Variants in TMEM81 observed in about 807,000 individuals in gnomAD.
TMEM81 encodes the protein transmembrane protein 81.
For missense variants in TMEM81, 294 were observed against 300.5 expected, an observed-to-expected ratio of 0.98 and a Z score of 0.16; for synonymous variants, 132 against 119.1, an observed-to-expected ratio of 1.11 and a Z score of -0.71.
Position 205,084,321 on chromosome 1 carries a change from G to T in TMEM81, c.-1C>A, listed in dbSNP as rs1015678746. The T allele has an allele frequency of 6.2e-7, 1 of 1,610,302 alleles. No individual in the cohort carries two copies. ...CAAAACTAGTGGCTAAAACCTTCAT[G>T]TCTCGGTAGGCGTTTTGCCACCCTC... On this transcript the variant is annotated 5_prime_UTR_variant, in exon 1 of 1. Transcript: ENST00000367167.
chr1:205,083,373 T>C lies in TMEM81; in HGVS notation c.*180A>G. The C allele has an allele frequency of 1.5e-6, 1 of 649,976 alleles. No individual in the cohort carries two copies. Among genetic ancestry groups the C allele is most frequent in the Non-Finnish European group, 2.5e-6 (1 of 399,084 alleles). The allele number at this position is 649,976 out of a possible 1,614,324, so 40.3% of individuals were successfully genotyped here. ...ATCCATGGGACATAAGGAAGTTAGG[T>C]TACTGCGCATAGCTCCCAGGAGATT... On this transcript the variant is annotated 3_prime_UTR_variant, in exon 1 of 1. Transcript: ENST00000367167.
rs539551661 is a variant in TMEM81, at chr1:205,083,383, T to G, written c.*170A>C. On this transcript the variant is annotated 3_prime_UTR_variant, in exon 1 of 1. Transcript: ENST00000367167. ...CATAAGGAAGTTAGGTTACTGCGCATAGCTCCCAGGAGATTGTCCCCTCCA... is the reference window on the plus strand; with the variant it reads ...CATAAGGAAGTTAGGTTACTGCGCAGAGCTCCCAGGAGATTGTCCCCTCCA... The G allele has an allele frequency of 2.8e-6, 2 of 715,500 alleles. No homozygotes were observed. Among genetic ancestry groups the G allele is most frequent in the Non-Finnish European group, 4.4e-6 (2 of 451,258 alleles). The allele number at this position is 715,500 out of a possible 1,614,324, so 44.3% of individuals were successfully genotyped here.
Position 205,083,898 on chromosome 1 carries a change from G to T in TMEM81, c.423C>A (p.Asn141Lys), listed in dbSNP as rs756275296. Residue 141 changes from asparagine to lysine, a missense_variant, in exon 1 of 1, where the codon AAC becomes AAA. Asn to Lys is a moderately conservative substitution (Grantham distance 94). Coordinates refer to ENST00000367167, the MANE Select transcript of TMEM81 (RefSeq NM_203376.2). Reference sequence around the variant, plus strand: ...CATATTTAAACTTCACAAAGTGGGAGTTGGCTTGAAAGGGTTTGAAGACCT... The same window carrying T: ...CATATTTAAACTTCACAAAGTGGGATTTGGCTTGAAAGGGTTTGAAGACCT... ...DDEVFKPFQA[N>K]SHFVKFKYAQ... The T allele has an allele frequency of 2.5e-6, 4 of 1,614,210 alleles. No homozygotes were observed. The highest frequency in any genetic ancestry group is 3.4e-6 in the Non-Finnish European group (4 of 1,180,048).
At position 205,084,273 on chromosome 1, in the gene TMEM81, G is replaced by A. The variant is rs756718458; in HGVS notation, c.48C>T (p.Ala16=). The A allele has an allele frequency of 4.3e-6, 7 of 1,613,966 alleles. No homozygotes were observed. In the East Asian group the frequency reaches 1.6e-4, roughly 36 times the overall value. The change falls in exon 1 of 1, where the codon GCC becomes GCT. Residue 16 remains alanine (A), a synonymous_variant. Coordinates refer to ENST00000367167, the MANE Select transcript of TMEM81 (RefSeq NM_203376.2). ...TSFVLGSLGL[A]FYLPLVVTTP... ...TAGTCACCACCAAAGGCAGGTAGAA[G>A]GCCAACCCCAGGCTCCCAAGGACAA...
rs752958744 is a variant in TMEM81 at position 205,084,109 on chromosome 1, C to T, written c.212G>A (p.Arg71Lys). 4.3e-6 allele frequency: 7 copies of T among 1,614,112 alleles called. No individual in the cohort carries two copies. The African/African-American group carries it at 5.3e-5, about 12-fold the overall frequency. ...TAAGCGCCGAGTCTGACATTTCCTTCTCACTCCATCAGGGCCCACCTCACA... is the reference window on the plus strand; with the variant it reads ...TAAGCGCCGAGTCTGACATTTCCTTTTCACTCCATCAGGGCCCACCTCACA... The part of the protein sequence containing the change: ...TVCEVGPDGV[R>K]RKCQTRRLEC... Residue 71 changes from arginine to lysine, a missense_variant, in exon 1 of 1, where the codon AGA (arginine) becomes AAA (lysine). Arg to Lys is a conservative substitution (Grantham distance 26). Transcript: ENST00000367167.
In TMEM81 at chr1:205,083,672, G is replaced by A. The variant is rs770078742; in HGVS notation, c.649C>T (p.His217Tyr). Residue 217 changes from histidine (H) to tyrosine (Y), a missense_variant, in exon 1 of 1, where the codon CAC becomes TAC. Coordinates refer to ENST00000367167, the MANE Select transcript of TMEM81 (RefSeq NM_203376.2). Reference protein sequence around the residue: ...VNLDSYSKPHHPKWKKKVASA... With the variant: ...VNLDSYSKPHYPKWKKKVASA... ...GCCACCTTCTTTTTCCACTTTGGGTGGTGAGGCTTGGAGTAGCTGTCCAGA... is the reference window on the plus strand; with the variant it reads ...GCCACCTTCTTTTTCCACTTTGGGTAGTGAGGCTTGGAGTAGCTGTCCAGA... The A allele has an allele frequency of 6.2e-7, 1 of 1,614,220 alleles. No individual in the cohort carries two copies. The highest frequency in any genetic ancestry group is 1.1e-5 in the South Asian group (1 of 91,086).
chr1:205,083,776 G>T lies in TMEM81; in HGVS notation c.545C>A (p.Pro182His), dbSNP rs528890008. Residue 182 changes from proline to histidine, a missense_variant, in exon 1 of 1, where the codon CCT (proline) becomes CAT (histidine). Pro to His is a moderately conservative substitution (Grantham distance 77). Transcript: ENST00000367167. ...KRLYFGLRVL[P>H]PNLVNLNFHQ... Reference sequence around the variant, plus strand: ...GAAATTCAGATTCACCAAGTTAGGAGGAAGGACCCTCAACCCAAAATAGAG... The same window carrying T: ...GAAATTCAGATTCACCAAGTTAGGATGAAGGACCCTCAACCCAAAATAGAG... 2 of 1,614,204 alleles carry T rather than the reference G, an allele frequency of 1.2e-6. No individual in the cohort carries two copies. The highest frequency in any genetic ancestry group is 2.7e-5 in the African/African-American group (2 of 75,052).
Position 205,083,514 on chromosome 1 carries a change from C to A in TMEM81, c.*39G>T. On this transcript the variant is annotated 3_prime_UTR_variant, in exon 1 of 1. Coordinates refer to ENST00000367167, the MANE Select transcript of TMEM81 (RefSeq NM_203376.2). ...AAGCTAGCTTGGCTTCCTGGGCAGCCAGTTCTTCAGGAGCAAGGCTGTTAA... is the reference window on the plus strand; with the variant it reads ...AAGCTAGCTTGGCTTCCTGGGCAGCAAGTTCTTCAGGAGCAAGGCTGTTAA... The A allele has an allele frequency of 6.4e-7, 1 of 1,551,590 alleles. No individual in the cohort carries two copies. Among genetic ancestry groups the A allele is most frequent in the South Asian group, 1.2e-5 (1 of 80,164 alleles).
rs1655069282 is a variant in TMEM81, at chr1:205,083,956, C to A, written c.365G>T (p.Arg122Ile). The A allele has an allele frequency of 6.2e-7, 1 of 1,614,216 alleles. No individual in the cohort carries two copies. Among genetic ancestry groups the A allele is most frequent in the Non-Finnish European group, 8.5e-7 (1 of 1,180,052 alleles). The change falls in exon 1 of 1, where the codon AGA (arginine) becomes ATA (isoleucine). Residue 122 changes from arginine (R) to isoleucine (I), a missense_variant. Transcript: ENST00000367167. ...FGQEAFRFTWRLARGVISTDD... is the reference protein window; with the variant it reads ...FGQEAFRFTWILARGVISTDD... Reference sequence around the variant, plus strand: ...AGTGGAGATGACACCTCGAGCAAGTCTCCAGGTGAACCGGAAAGCTTCCTG... The same window carrying A: ...AGTGGAGATGACACCTCGAGCAAGTATCCAGGTGAACCGGAAAGCTTCCTG...
chr1:205,083,767 A>C lies in TMEM81; in HGVS notation c.554T>G (p.Leu185Trp). 1.2e-6 allele frequency: 2 copies of C among 1,614,152 alleles called. 1 individual carries two copies. Residue 185 changes from leucine to tryptophan, a missense_variant, in exon 1 of 1, where the codon TTG (leucine) becomes TGG (tryptophan). Transcript: ENST00000367167. ...YFGLRVLPPN[L>W]VNLNFHQSLT... ...TGACTGATGGAAATTCAGATTCACC[A>C]AGTTAGGAGGAAGGACCCTCAACCC...
At position 205,084,088 on chromosome 1, in the gene TMEM81, C is replaced by T. The variant is rs1415757266; in HGVS notation, c.233G>A (p.Arg78His). 12 of 1,614,198 alleles carry T rather than the reference C, an allele frequency of 7.4e-6. No homozygotes were observed. Among genetic ancestry groups the T allele is most frequent in the African/African-American group, 1.3e-5 (1 of 75,038 alleles). The part of the protein sequence containing the change: ...DGVRRKCQTR[R>H]LECLTNWICG... ...GATCCAGTTGGTCAGACATTCTAAG[C>T]GCCGAGTCTGACATTTCCTTCTCAC... Residue 78 changes from arginine to histidine, a missense_variant, in exon 1 of 1, where the codon CGC becomes CAC. Transcript: ENST00000367167.
chr1:205,084,455 TA>T lies in TMEM81; in HGVS notation c.-136del. On this transcript the variant is annotated 5_prime_UTR_variant, in exon 1 of 1. Transcript: ENST00000367167. ...AAAGATATGATGCATGTATTGTCAA[TA>T]AAACAACACAACTTAATAAATAAAA... The T allele has an allele frequency of 1.1e-6, 1 of 908,158 alleles. No individual in the cohort carries two copies. The highest frequency in any genetic ancestry group is 1.7e-6 in the Non-Finnish European group (1 of 603,346). The allele number at this position is 908,158 out of a possible 1,614,324, so 56.3% of individuals were successfully genotyped here.
In TMEM81 at chr1:205,084,130, T is replaced by A; in HGVS notation, c.191A>T (p.Glu64Val). The A allele has an allele frequency of 6.2e-7, 1 of 1,614,186 alleles. No individual in the cohort carries two copies. Among genetic ancestry groups the A allele is most frequent in the Non-Finnish European group, 8.5e-7 (1 of 1,180,038 alleles). The change falls in exon 1 of 1, where the codon GAG (glutamate) becomes GTG (valine). Residue 64 changes from glutamate to valine, a missense_variant. Glu to Val is a moderately radical substitution (Grantham distance 121, BLOSUM62 -2). Transcript: ENST00000367167. ...CCTTCTCACTCCATCAGGGCCCACC[T>A]CACAGACGGTCTCCTCCTTATAGCC... ...GLGYKEETVCEVGPDGVRRKC... is the reference protein window; with the variant it reads ...GLGYKEETVCVVGPDGVRRKC...
At position 205,084,026 on chromosome 1, in the gene TMEM81, C is replaced by T. The variant is rs922843528; in HGVS notation, c.295G>A (p.Glu99Lys). ...MLHFTILIGK[E>K]FELSCLSSDI... ...GAACTCAGACAGCTAAGCTCAAATT[C>T]CTTGCCAATGAGAATGGTGAAATGG... Residue 99 changes from glutamate (E) to lysine (K), a missense_variant, in exon 1 of 1, where the codon GAA (glutamate) becomes AAA (lysine). Physicochemically the swap from Glu to Lys is moderately conservative, Grantham distance 56 (BLOSUM62 1). Transcript: ENST00000367167. The T allele has an allele frequency of 9.9e-6, 16 of 1,614,084 alleles. No homozygotes were observed. Among genetic ancestry groups the T allele is most frequent in the African/African-American group, 1.3e-5 (1 of 74,924 alleles).
In TMEM81 at chr1:205,083,969, G is replaced by A. The variant is rs145019132; in HGVS notation, c.352C>T (p.Arg118Trp). The A allele has an allele frequency of 6.6e-5, 107 of 1,614,082 alleles. No homozygotes were observed. Among genetic ancestry groups the A allele is most frequent in the African/African-American group, 6.5e-4 (49 of 74,914 alleles). ...CCTCGAGCAAGTCTCCAGGTGAACC[G>A]GAAAGCTTCCTGTCCAAACTCCAAG... ...DILEFGQEAF[R>W]FTWRLARGVI... Residue 118 changes from arginine (R) to tryptophan (W), a missense_variant, in exon 1 of 1, where the codon CGG (arginine) becomes TGG (tryptophan). Transcript: ENST00000367167.
Position 205,083,825 on chromosome 1 carries a change from T to C in TMEM81, c.496A>G (p.Lys166Glu). ...AGCCTCTTGACGAGTCTCAAGTTTTTTACCAGCTGCACATCACAGCGATAT... is the reference window on the plus strand; with the variant it reads ...AGCCTCTTGACGAGTCTCAAGTTTTCTACCAGCTGCACATCACAGCGATAT... ...GTYRCDVQLV[K>E]NLRLVKRLYF... Residue 166 changes from lysine to glutamate, a missense_variant, in exon 1 of 1, where the codon AAA becomes GAA. Physicochemically the swap from Lys to Glu is moderately conservative, Grantham distance 56. Coordinates refer to ENST00000367167, the MANE Select transcript of TMEM81 (RefSeq NM_203376.2). 1 of 1,614,208 alleles carries C rather than the reference T, an allele frequency of 6.2e-7. No individual in the cohort carries two copies. Among genetic ancestry groups the C allele is most frequent in the Non-Finnish European group, 8.5e-7 (1 of 1,180,048 alleles).
chr1:205,084,232 GCCA>G lies in TMEM81; in HGVS notation c.86_88del (p.Leu29_Ala30delinsPro). On this transcript the variant is annotated inframe_deletion, in exon 1 of 1. Transcript: ENST00000367167. The stretch of plus-strand genomic sequence containing the variant: ...AGCTTCTTGCAGCTTCTCAGGGATG[GCCA>G]GTGTTTTAGGTGTAGTCACCACCAA... The G allele has an allele frequency of 6.2e-7, 1 of 1,614,092 alleles. No homozygotes were observed. Among genetic ancestry groups the G allele is most frequent in the East Asian group, 2.2e-5 (1 of 44,872 alleles).
In TMEM81 at chr1:205,084,409, A is replaced by G; in HGVS notation, c.-89T>C. The G allele has an allele frequency of 7.3e-7, 1 of 1,364,496 alleles. No individual in the cohort carries two copies. The highest frequency in any genetic ancestry group is 1.0e-6 in the Non-Finnish European group (1 of 995,460). 84.5% of individuals were successfully genotyped at this position (1,364,496 alleles called of 1,614,324 possible). A position where few individuals can be genotyped will look rare whatever the true frequency, so the allele number is the denominator to read the frequency against. ...TAAATCATAACTTGATTCCTTTGAC[A>G]TGAGATATCCTTCAAAGTCAAAAGA... is the stretch of plus-strand genomic sequence containing the variant. On this transcript the variant is annotated 5_prime_UTR_variant, in exon 1 of 1. It removes an upstream start codon present in the reference 5' UTR. Coordinates refer to ENST00000367167, the MANE Select transcript of TMEM81 (RefSeq NM_203376.2).
chr1:205,084,117 A>G lies in TMEM81; in HGVS notation c.204T>C (p.Asp68=). ...KEETVCEVGP[D]GVRRKCQTRR... Reference sequence around the variant, plus strand: ...GAGTCTGACATTTCCTTCTCACTCCATCAGGGCCCACCTCACAGACGGTCT... The same window carrying G: ...GAGTCTGACATTTCCTTCTCACTCCGTCAGGGCCCACCTCACAGACGGTCT... Residue 68 remains aspartate, a synonymous_variant, in exon 1 of 1, where the codon GAT becomes GAC. Coordinates refer to ENST00000367167, the MANE Select transcript of TMEM81 (RefSeq NM_203376.2). The G allele has an allele frequency of 1.2e-6, 2 of 1,614,174 alleles. No homozygotes were observed. Among genetic ancestry groups the G allele is most frequent in the Non-Finnish European group, 1.7e-6 (2 of 1,180,032 alleles).
Sources: allele counts gnomAD v4.1 joint callset, GRCh38; gene constraint gnomAD v4.1.1; transcripts MANE v1.5; gene names NCBI Gene and HGNC (gene_info 2026-07-23, HGNC 2026-07-21).